The following GC variants were observed in gnomAD, a reference collection of about 807,000 sequenced individuals.
The protein encoded by GC is vitamin D-binding protein.
In GC, 43 loss-of-function variants were observed where a neutral mutation model predicts 56.7. The ratio of observed to expected loss-of-function variants is 0.76; its 90% CI spans 0.59 to 0.98. The LOEUF (loss-of-function observed/expected upper bound fraction) is 0.98, where lower values mean the gene tolerates loss of function less well. Among genes scored for constraint, GC ranks in the 50% least tolerant of loss-of-function variants. The pLI is 0.00. For missense variants in GC, 529 were observed against 545.9 expected (o/e 0.97, Z 0.31); for synonymous variants, 216 against 202.7 (o/e 1.07, Z -0.56).
At chr4:71,776,365 A>G (rs1466627274) in intron 1 of GC, among the ~76,000 whole-genome samples, 1 of 151,958 alleles carries the variant, frequency 6.6e-6, no homozygotes, top group African/African-American at 2.4e-5. Flanking sequence ...GACAACATGG[A>G]TGACCCTGGA....
chr4:71,753,847 A>G (rs747317449), intron 10 of GC, among the ~76,000 whole-genome samples: 49 of 152,148 alleles, frequency 3.2e-4, no homozygotes, highest in Non-Finnish European at 6.6e-4. Flanking sequence ...ATAGGTCCTC[A>G]ATTTTGTACA....
chr4:71,765,683 A>T (rs372975090), intron 3 of GC, 40 bp from the exon 4 acceptor site: 1 of 1,257,236 alleles, frequency 8.0e-7, no homozygotes, highest in Non-Finnish European at 1.2e-6. Flanking sequence ...TATATATGTA[A>T]ATTTCCAGGC....
intron 6 of GC, among the ~76,000 whole-genome samples, chr4:71,758,617 G>C (rs766445725): frequency 2.6e-5 from 4 of 152,072 alleles, no homozygotes; most frequent in Non-Finnish European, 5.9e-5. Context: ...CACATTTTGG[G>C]TGTGTAACCT....
At chr4:71,784,796 G>T (rs974223269), upstream of GC, among the ~76,000 whole-genome samples, 1 of 151,686 alleles carries the variant, frequency 6.6e-6, no homozygotes, top group Non-Finnish European at 1.5e-5. Flanking sequence ...TGATTTTAAA[G>T]CTCCTTCTAC....
Position 71,765,517 on chromosome 4 carries a change from GCT to G in GC, c.386_387del (p.Gln129ProfsTer13). On this transcript the variant is annotated frameshift_variant, in exon 4 of 13. Coordinates refer to ENST00000273951, the MANE Select transcript of GC (RefSeq NM_000583.4). LOFTEE classifies it high-confidence loss of function. ...RKLCMAALKHQPQEFPTYVEP... is the reference protein window; with the variant it reads ...RKLCMAALKHXPQEFPTYVEP... ...TCCACGTAGGTAGGGAATTCCTGTGGCTGGTGTTTCAGAGCAGCCATGCAGAG... is the reference window on the plus strand; with the variant it reads ...TCCACGTAGGTAGGGAATTCCTGTGGGGTGTTTCAGAGCAGCCATGCAGAG... 6.2e-7 allele frequency: 1 copy of G among 1,613,992 alleles called. No homozygotes were observed. Among genetic ancestry groups the G allele is most frequent in the Non-Finnish European group, 8.5e-7 (1 of 1,179,952 alleles).
intron 1 of GC, among the ~76,000 whole-genome samples, chr4:71,796,632 TTGTTATTACTGACCTTC>T (rs1210202456): frequency 1.3e-5 from 2 of 152,196 alleles, no homozygotes; most frequent in Non-Finnish European, 2.9e-5. Flanking sequence ...TTGGTGAAGT[TTGTTATTACTGACCTTC>T]TGAAGCCTAC....
chr4:71,754,497 T>TC lies in GC; in HGVS notation c.1175_1176insG (p.Lys394GlufsTer8). 6.5e-7 allele frequency: 1 copy of TC among 1,539,866 alleles called. No individual in the cohort carries two copies. The highest frequency in any genetic ancestry group is 9.0e-7 in the Non-Finnish European group (1 of 1,114,224). On this transcript the variant is annotated frameshift_variant, in exon 10 of 13. Transcript: ENST00000273951. LOFTEE classifies it high-confidence loss of function. Reference sequence around the variant, plus strand: ...CAATGAAAGAAGATAGTTCCTTCTTTAGTAGAGGGCCCTGTAAGAAAACAA... The same window carrying TC: ...CAATGAAAGAAGATAGTTCCTTCTTTCAGTAGAGGGCCCTGTAAGAAAACAA...
intron 12 of GC, among the ~76,000 whole-genome samples, chr4:71,743,410 G>C (rs1741252368): frequency 6.6e-6 from 1 of 152,166 alleles, no homozygotes; most frequent in Non-Finnish European, 1.5e-5. Context: ...TTTTCTACTT[G>C]AATAATTTAA....
At chr4:71,748,952 T>G (rs1055837859) in intron 11 of GC, among the ~76,000 whole-genome samples, 2 of 152,042 alleles carry the variant, frequency 1.3e-5, no homozygotes, top group Admixed American at 6.5e-5. Flanking sequence ...CAAGGAGATC[T>G]CACAAATTAG....
At chr4:71,775,398 G>T (rs562332867) in intron 1 of GC, among the ~76,000 whole-genome samples, 21 of 151,764 alleles carry the variant, frequency 1.4e-4, no homozygotes, top group Non-Finnish European at 2.7e-4. Context: ...GTTCCACATG[G>T]CACTCCTTTG....
intron 1 of GC, among the ~76,000 whole-genome samples, chr4:71,793,672 A>G (rs1743024638): frequency 6.6e-6 from 1 of 152,090 alleles, no homozygotes; most frequent in Non-Finnish European, 1.5e-5. Context: ...GATTGCCCCA[A>G]CCGGAACTTC....
intron 3 of GC, among the ~76,000 whole-genome samples, chr4:71,767,496 T>C (rs1285159215): frequency 6.6e-6 from 1 of 151,940 alleles, no homozygotes; most frequent in Non-Finnish European, 1.5e-5. Flanking sequence ...CACTAAATTA[T>C]TCTGGAGCAC....
intron 1 of GC, among the ~76,000 whole-genome samples, chr4:71,771,668 A>AC (rs1181073292): frequency 1.3e-5 from 2 of 152,162 alleles, no homozygotes; most frequent in African/African-American, 4.8e-5. Flanking sequence ...AACCAAAAAA[A>AC]CCACTTGCAA....
chr4:71,790,032 C>G (rs986135499), intron 1 of GC, among the ~76,000 whole-genome samples: 2 of 151,876 alleles, frequency 1.3e-5, no homozygotes, highest in Non-Finnish European at 2.9e-5. Context: ...TGTGTTTTTG[C>G]TTCTTGAAAT....
intron 1 of GC, among the ~76,000 whole-genome samples, chr4:71,780,263 C>T (rs1742631435): frequency 6.6e-6 from 1 of 151,994 alleles, no homozygotes; most frequent in Non-Finnish European, 1.5e-5. Context: ...AAATGTTAGA[C>T]CTAAAACCAT....
At chr4:71,781,265 T>C (rs745633269) in intron 1 of GC, among the ~76,000 whole-genome samples, 2 of 151,878 alleles carry the variant, frequency 1.3e-5, no homozygotes, top group Non-Finnish European at 2.9e-5. Context: ...GGGATAGCAT[T>C]AGGAGAAATA....
At chr4:71,795,023 T>G (rs59431786) in intron 1 of GC, among the ~76,000 whole-genome samples, 1 of 152,050 alleles carries the variant, frequency 6.6e-6, no homozygotes. Context: ...GTCTGAGAGA[T>G]AGTTTGTTGT....
chr4:71,804,959 T>C (rs1688142), upstream of GC, among the ~76,000 whole-genome samples: 56 of 152,074 alleles, frequency 3.7e-4, no homozygotes, highest in Admixed American at 7.9e-4. Context: ...GATGGTTCCT[T>C]CTCCCTTCCC....
At chr4:71,757,558 T>A (rs1157534072) in intron 7 of GC, among the ~76,000 whole-genome samples, 1 of 151,730 alleles carries the variant, frequency 6.6e-6, no homozygotes, top group Non-Finnish European at 1.5e-5. Flanking sequence ...TAGCGTCTAC[T>A]AGTATAATGG....
Sources: allele counts gnomAD v4.1 joint callset (sites outside exome capture counted in the v4.1 genomes callset), GRCh38; gene constraint gnomAD v4.1.1; transcripts MANE v1.5; gene names NCBI Gene and HGNC (gene_info 2026-07-23, HGNC 2026-07-21).